TXNDC5: variants seen among roughly 807,000 people sequenced by gnomAD.
TXNDC5 encodes the protein thioredoxin domain containing 5, also known as thioredoxin domain-containing protein 5.
In TXNDC5, 44 loss-of-function variants were observed where a neutral mutation model predicts 52.6. The ratio of observed to expected loss-of-function variants is 0.84; its 90% CI spans 0.66 to 1.08. TXNDC5 has a LOEUF of 1.08. Among genes scored for constraint, TXNDC5 ranks in the 50% least tolerant of loss-of-function variants. The pLI is 0.00. For synonymous variants in TXNDC5, 241 were observed against 234.4 expected, an observed-to-expected ratio of 1.03 and a Z score of -0.26; for missense variants, 600 against 565.5, an observed-to-expected ratio of 1.06 and a Z score of -0.62.
rs375993199 is a variant in TXNDC5, at chr6:7,884,514, G to A, written c.1047-26C>T. On this transcript the variant is annotated intron_variant, in intron 8 of 9. Coordinates refer to ENST00000379757, the MANE Select transcript of TXNDC5 (RefSeq NM_030810.5). ...CTAAGACGAGAAAAATGGCAGCTTC[G>A]TTGAAATCCTGGGTCGAGATCATTC... 33 of 1,613,524 alleles carry A rather than the reference G, an allele frequency of 2.0e-5. No individual in the cohort carries two copies. In the Middle Eastern group the frequency reaches 8.3e-4, roughly 40 times the overall value.
intron 3 of TXNDC5, among the ~76,000 whole-genome samples, chr6:7,898,650 T>C (rs1312416874): frequency 1.3e-5 from 2 of 152,088 alleles, no homozygotes; most frequent in Non-Finnish European, 2.9e-5. Context: ...CGAGTGTTTT[T>C]CCAGTCCCTC....
Position 7,888,752 on chromosome 6 carries a change from T to A in TXNDC5, c.916A>T (p.Thr306Ser). The change falls in exon 7 of 10, where the codon ACG becomes TCG. Residue 306 changes from threonine (T) to serine (S), a missense_variant. Thr to Ser is a moderately conservative substitution (Grantham distance 58). Transcript: ENST00000379757. ...RTETGATETV[T>S]PSEAPVLAAE... ...GCCAGCACCGGGGCCTCTGAGGGCGTGACGGTCTCCGTCGCTCCAGTCTCT... is the reference window on the plus strand; with the variant it reads ...GCCAGCACCGGGGCCTCTGAGGGCGAGACGGTCTCCGTCGCTCCAGTCTCT... The A allele has an allele frequency of 3.7e-6, 6 of 1,614,006 alleles. No homozygotes were observed. Among genetic ancestry groups the A allele is most frequent in the Non-Finnish European group, 5.1e-6 (6 of 1,179,998 alleles).
chr6:7,897,830 A>T (rs1760424700), intron 3 of TXNDC5, among the ~76,000 whole-genome samples: 1 of 152,222 alleles, frequency 6.6e-6, no homozygotes, highest in Non-Finnish European at 1.5e-5. Flanking sequence ...CTCCTCCTTA[A>T]AATTGGTTTG....
intron 2 of TXNDC5, among the ~76,000 whole-genome samples, chr6:7,900,964 T>G (rs1237123877): frequency 6.7e-6 from 1 of 148,330 alleles, no homozygotes; most frequent in Non-Finnish European, 1.5e-5. Context: ...CAAAAAAAAA[T>G]GGCTAATTCT....
Position 7,910,656 on chromosome 6 carries a change from CCT to C in TXNDC5, c.119_120del (p.Glu40GlyfsTer61). The C allele has an allele frequency of 8.0e-7, 1 of 1,252,308 alleles. No individual in the cohort carries two copies. The highest frequency in any genetic ancestry group is 1.0e-6 in the Non-Finnish European group (1 of 982,736). The allele number at this position is 1,252,308 out of a possible 1,614,324, so 77.6% of individuals were successfully genotyped here. ...GGCCCGTCCGCCGCCGCCGCCGCCG[CCT>C]CCTGGGCCCGGGCGCCCCAGCGCCC... ...GGGRWGARAQ[E>X]AAAAAADGPP... On this transcript the variant is annotated frameshift_variant, in exon 1 of 10. Coordinates refer to ENST00000379757, the MANE Select transcript of TXNDC5 (RefSeq NM_030810.5). LOFTEE classifies it high-confidence loss of function.
chr6:7,908,055 C>T (rs969768497), intron 1 of TXNDC5, among the ~76,000 whole-genome samples: 7 of 152,060 alleles, frequency 4.6e-5, no homozygotes, highest in Admixed American at 1.3e-4. Flanking sequence ...GAGGAAGAGG[C>T]GGGCAGAACA....
rs200316196 is a variant in TXNDC5 at position 7,899,627 on chromosome 6, G to A, written c.468C>T (p.Asp156=). The A allele has an allele frequency of 6.8e-6, 11 of 1,614,182 alleles. No individual in the cohort carries two copies. The highest frequency in any genetic ancestry group is 9.3e-6 in the Non-Finnish European group (11 of 1,180,020). ...QEAVKYQGPR[D]FQTLENWMLQ... Reference sequence around the variant, plus strand: ...GCATCCAGTTTTCCAGTGTCTGGAAGTCCCGAGGACCCTGGTACTTCACAG... The same window carrying A: ...GCATCCAGTTTTCCAGTGTCTGGAAATCCCGAGGACCCTGGTACTTCACAG... The change falls in exon 3 of 10, where the codon GAC becomes GAT. Residue 156 remains aspartate, a synonymous_variant. Transcript: ENST00000379757.
intron 4 of TXNDC5, among the ~76,000 whole-genome samples, chr6:7,892,663 T>G (rs1056229420): frequency 2.0e-5 from 3 of 151,916 alleles, no homozygotes; most frequent in Non-Finnish European, 4.4e-5. Context: ...TGAGATCTGA[T>G]GGTTTTAAAA....
At chr6:7,890,198 A>G (rs540730179) in intron 5 of TXNDC5, among the ~76,000 whole-genome samples, 3 of 152,194 alleles carry the variant, frequency 2.0e-5, no homozygotes, top group Non-Finnish European at 2.9e-5. Context: ...TGCTTGCCCA[A>G]CATTTTCATG....
chr6:7,882,084 T>C lies in TXNDC5; in HGVS notation c.*1060A>G, dbSNP rs1759766800. ...CTGACATCTGTCTTTGGTCTTGAGA[T>C]CAAATGCATCCCATTCTTCATACAT... On this transcript the variant is annotated 3_prime_UTR_variant, in exon 10 of 10. Transcript: ENST00000379757. The C allele has an allele frequency of 6.6e-6, 1 of 152,616 alleles. No individual in the cohort carries two copies. Among genetic ancestry groups the C allele is most frequent in the Non-Finnish European group, 1.5e-5 (1 of 68,054 alleles). 9.5% of individuals were successfully genotyped at this position (152,616 alleles called of 1,614,324 possible).
chr6:7,885,804 G>A (rs2113318937), intron 8 of TXNDC5, among the ~76,000 whole-genome samples, 157 bp downstream of exon 8: 1 of 152,234 alleles, frequency 6.6e-6, no homozygotes, highest in South Asian at 2.1e-4. Flanking sequence ...TTTGAATATA[G>A]GAGCATGATA....
chr6:7,898,292 G>A lies in TXNDC5; in HGVS notation c.519+1284C>T, dbSNP rs1037166399. On this transcript the variant is annotated intron_variant, in intron 3 of 9. Transcript: ENST00000379757. The stretch of plus-strand genomic sequence containing the variant: ...GCTGGTCTTGAACTCTTGACCTTGG[G>A]TGATCCACCCGCCTCAGCCTCCCAA... Among the ~76,000 whole-genome samples the A allele has an allele frequency of 2.0e-4, 30 of 152,180 alleles. 1 individual carries two copies. The highest frequency in any genetic ancestry group is 1.6e-3 in the Admixed American group (25 of 15,280).
At chr6:7,896,253 G>A (rs1760365868) in intron 3 of TXNDC5, among the ~76,000 whole-genome samples, 1 of 152,158 alleles carries the variant, frequency 6.6e-6, no homozygotes, top group South Asian at 2.1e-4. Context: ...ATATGACTAA[G>A]TCTCATACAG....
intron 7 of TXNDC5, among the ~76,000 whole-genome samples, chr6:7,887,808 C>T (rs1760049816): frequency 6.6e-6 from 1 of 152,176 alleles, no homozygotes; most frequent in Non-Finnish European, 1.5e-5. Flanking sequence ...CCACTGTGTT[C>T]CCCCAGCCCC....
chr6:7,891,356 C>T (rs527486160), intron 5 of TXNDC5, among the ~76,000 whole-genome samples: 5 of 152,214 alleles, frequency 3.3e-5, no homozygotes, highest in African/African-American at 9.6e-5. Context: ...AGAACGGGCT[C>T]TGGGGCTGCC....
In TXNDC5 at chr6:7,895,110, T is replaced by C. The variant is rs759332802; in HGVS notation, c.612A>G (p.Ala204=). The C allele has an allele frequency of 5.0e-6, 8 of 1,613,564 alleles. No individual in the cohort carries two copies. The highest frequency in any genetic ancestry group is 4.0e-5 in the African/African-American group (3 of 74,918). The change falls in exon 4 of 10, where the codon GCA becomes GCG. Residue 204 remains alanine, a synonymous_variant. Transcript: ENST00000379757. Reference sequence around the variant, plus strand: ...GCATCAGGACGTCCCCCTTACCTTGTGCAACGTGCAGCTCAAAGTTGCTTG... The same window carrying C: ...GCATCAGGACGTCCCCCTTACCTTGCGCAACGTGCAGCTCAAAGTTGCTTG... ...LSASNFELHV[A]QGDHFIKFFA... is the part of the protein sequence containing the mutation.
intron 9 of TXNDC5, 127 bp from the exon 10 acceptor site, chr6:7,883,393 T>A: frequency 7.4e-7 from 1 of 1,359,538 alleles, no homozygotes; most frequent in Non-Finnish European, 1.0e-6. Flanking sequence ...TTTTTAAAGG[T>A]GTATATTCCA....
In TXNDC5 at chr6:7,887,482, G is replaced by A. The variant is rs117001097; in HGVS notation, c.963+1223C>T. 9.6e-5 allele frequency among the ~76,000 whole-genome samples: 13 copies of A among 134,992 alleles called. No individual in the cohort carries two copies. The East Asian group carries it at 2.9e-3, about 31-fold the overall frequency. The allele number at this position is 134,992 out of a possible 152,430, so 88.6% of individuals were successfully genotyped here. ...CACCAGATATGCGGGAATCAGACTC[G>A]CCTCGGACCCTCCCTCCCTCTCCGC... On this transcript the variant is annotated intron_variant, in intron 7 of 9. Coordinates refer to ENST00000379757, the MANE Select transcript of TXNDC5 (RefSeq NM_030810.5).
intron 1 of TXNDC5, 39 bp downstream of exon 1, chr6:7,910,475 G>A (rs1404052167): frequency 1.4e-6 from 2 of 1,379,748 alleles, no homozygotes; most frequent in South Asian, 1.4e-5. Flanking sequence ...CCCGCGAAGC[G>A]CCAAGTGCGG....
Sources: allele counts gnomAD v4.1 joint callset (sites outside exome capture counted in the v4.1 genomes callset), GRCh38; gene constraint gnomAD v4.1.1; transcripts MANE v1.5; gene names NCBI Gene and HGNC (gene_info 2026-07-23, HGNC 2026-07-21).